Variants in RGS8 observed in about 807,000 individuals in gnomAD.
RGS8 encodes the protein regulator of G protein signaling 8, also known as regulator of G-protein signaling 8.
Under a neutral mutation model 21.7 loss-of-function variants are expected in RGS8, and 8 were observed. The observed-to-expected ratio is 0.37, with a 90% confidence interval of 0.22 to 0.66. The LOEUF (loss-of-function observed/expected upper bound fraction) is 0.66. Ranked by LOEUF, RGS8 falls within the 30% of genes least tolerant of loss-of-function variation. The probability of loss-of-function intolerance (pLI) is 0.59; values close to 1 mark genes in which losing one functional copy is unlikely to be tolerated. For synonymous variants in RGS8, 80 were observed against 83.6 expected (o/e 0.96, Z 0.24); for missense variants, 157 against 217.9 (o/e 0.72, Z 1.76).
At chr1:182,715,866 C>A in the RGS8 span, among the ~76,000 whole-genome samples, 1 of 152,140 alleles carries the variant, frequency 6.6e-6, no homozygotes, top group Non-Finnish European at 1.5e-5. Flanking sequence ...GTATTGAGAG[C>A]TTTGTATGTA....
chr1:182,705,327 C>T, the RGS8 span, among the ~76,000 whole-genome samples: 1 of 152,170 alleles, frequency 6.6e-6, no homozygotes, highest in Non-Finnish European at 1.5e-5. Context: ...CAAATTTACC[C>T]TTCCTCTGCC....
chr1:182,723,338 G>A, the RGS8 span, among the ~76,000 whole-genome samples: 3 of 152,112 alleles, frequency 2.0e-5, no homozygotes, highest in African/African-American at 7.2e-5. Context: ...CTGGAGAATC[G>A]GCTTCCAAGC....
At chr1:182,741,660 TG>T in the RGS8 span, among the ~76,000 whole-genome samples, 2 of 116,382 alleles carry the variant, frequency 1.7e-5, no homozygotes, top group Non-Finnish European at 1.9e-5. Context: ...ACGGGGCGGC[TG>T]GCCGGGCAGA....
the RGS8 span, among the ~76,000 whole-genome samples, chr1:182,742,034 C>T: frequency 2.1e-4 from 30 of 144,184 alleles, no homozygotes; most frequent in Non-Finnish European, 3.7e-4. Flanking sequence ...ACGGGGCGTC[C>T]GGGCAGAGAC....
At chr1:182,732,483 A>C in the RGS8 span, among the ~76,000 whole-genome samples, 7 of 152,238 alleles carry the variant, frequency 4.6e-5, no homozygotes, top group Non-Finnish European at 1.0e-4. Context: ...AGCTTGAAAA[A>C]GACTCATACC....
At chr1:182,689,647 A>G in the RGS8 span, among the ~76,000 whole-genome samples, 359 of 152,348 alleles carry the variant, frequency 2.4e-3, 4 homozygotes, top group African/African-American at 8.4e-3. Flanking sequence ...AAGGAGTCAG[A>G]AGATTCCAGG....
At chr1:182,718,149 G>T in the RGS8 span, among the ~76,000 whole-genome samples, 2 of 152,168 alleles carry the variant, frequency 1.3e-5, no homozygotes, top group Non-Finnish European at 2.9e-5. Context: ...CTGGGACAGA[G>T]CATATCCAAA....
chr1:182,680,433 C>T (rs143245239), intron 1 of RGS8, among the ~76,000 whole-genome samples: 173 of 152,276 alleles, frequency 1.1e-3, no homozygotes, highest in African/African-American at 4.0e-3. Flanking sequence ...GTGAGTCCTG[C>T]TCATCCTCAA....
At chr1:182,696,481 C>T in the RGS8 span, among the ~76,000 whole-genome samples, 2 of 152,126 alleles carry the variant, frequency 1.3e-5, no homozygotes, top group South Asian at 2.1e-4. Flanking sequence ...TCCCAGCCCC[C>T]CGAGTAGCTG....
At chr1:182,702,275 G>A in the RGS8 span, among the ~76,000 whole-genome samples, 1 of 152,168 alleles carries the variant, frequency 6.6e-6, no homozygotes. Flanking sequence ...GGATGCAGGT[G>A]GAGGCCATAA....
the RGS8 span, among the ~76,000 whole-genome samples, chr1:182,690,300 T>C: frequency 6.6e-6 from 1 of 152,168 alleles, no homozygotes; most frequent in Admixed American, 6.5e-5. Context: ...GCACACTACT[T>C]TTCGATTACC....
intron 1 of RGS8, among the ~76,000 whole-genome samples, chr1:182,683,690 G>A (rs1664615340): frequency 6.7e-6 from 1 of 149,182 alleles, no homozygotes; most frequent in Non-Finnish European, 1.5e-5. Context: ...CCATTTAGCT[G>A]ATGCCACGGA....
chr1:182,741,357 G>C, the RGS8 span, among the ~76,000 whole-genome samples: 1 of 133,106 alleles, frequency 7.5e-6, no homozygotes, highest in Non-Finnish European at 1.6e-5. Context: ...CCGGGCGGGG[G>C]GGCTGAACCC....
At chr1:182,736,228 G>A in the RGS8 span, among the ~76,000 whole-genome samples, 2 of 152,146 alleles carry the variant, frequency 1.3e-5, no homozygotes, top group Non-Finnish European at 2.9e-5. Flanking sequence ...GCCTCCACCA[G>A]TGGTACAATT....
the RGS8 span, among the ~76,000 whole-genome samples, chr1:182,702,723 A>T: frequency 6.6e-6 from 1 of 152,226 alleles, no homozygotes. Flanking sequence ...ATTATTCAAT[A>T]TTGCTATCTA....
At chr1:182,677,726 T>C (rs1317586995), upstream of RGS8, among the ~76,000 whole-genome samples, 3 of 152,208 alleles carry the variant, frequency 2.0e-5, no homozygotes, top group Non-Finnish European at 2.9e-5. Context: ...GCCAGCCTCT[T>C]TTCTTTATTC....
chr1:182,688,639 AG>A (rs1324620771), upstream of RGS8, among the ~76,000 whole-genome samples: 5 of 152,222 alleles, frequency 3.3e-5, no homozygotes, highest in South Asian at 2.1e-4. Context: ...AGTCCTTAAA[AG>A]TGAAAGAGGA....
upstream of RGS8, among the ~76,000 whole-genome samples, chr1:182,689,264 GACACACACACACACAC>G (rs34000229): frequency 6.0e-4 from 75 of 125,772 alleles, no homozygotes; most frequent in African/African-American, 1.9e-3. Context: ...CACACACACA[GACACACACACACACAC>G]ACACACACAC....
At chr1:182,695,905 C>T in the RGS8 span, among the ~76,000 whole-genome samples, 1 of 152,212 alleles carries the variant, frequency 6.6e-6, no homozygotes, top group African/African-American at 2.4e-5. Context: ...AAAACTTCCA[C>T]AGAATCGTGC....
Sources: gnomAD v4.1 joint callset for allele counts (sites outside exome capture counted in the v4.1 genomes callset) on GRCh38, gnomAD v4.1.1 for gene constraint, MANE v1.5 for transcripts, NCBI Gene and HGNC (gene_info 2026-07-23, HGNC 2026-07-21) for gene names.